The following PHYHIPL variants were observed in gnomAD, a reference collection of about 807,000 sequenced individuals.
PHYHIPL encodes the protein phytanoyl-CoA hydroxylase-interacting protein-like.
Under a neutral mutation model 33.4 loss-of-function variants are expected in PHYHIPL, and 9 were observed. The ratio of observed to expected loss-of-function variants is 0.27; its 90% CI spans 0.16 to 0.47. The LOEUF is 0.47. Among genes scored for constraint, PHYHIPL ranks in the 20% least tolerant of loss-of-function variants. The pLI, the probability that PHYHIPL is intolerant of heterozygous loss-of-function variation, is 0.99. For missense variants in PHYHIPL, 365 were observed against 460.7 expected (o/e 0.79, Z 1.90); for synonymous variants, 153 against 154.1 (o/e 0.99, Z 0.05).
chr10:59,241,819 A>T (rs1015795357), intron 4 of PHYHIPL, among the ~76,000 whole-genome samples: 1 of 152,112 alleles, frequency 6.6e-6, no homozygotes, highest in Non-Finnish European at 1.5e-5. Context: ...GTCATTATTG[A>T]GCACTTCAAT....
chr10:59,177,998 A>G (rs1838301165), intron 1 of PHYHIPL, among the ~76,000 whole-genome samples: 2 of 152,192 alleles, frequency 1.3e-5, no homozygotes. Context: ...TCTTTAACCA[A>G]AGTTATGTAC....
At chr10:59,213,906 A>C (rs1839535949) in intron 1 of PHYHIPL, among the ~76,000 whole-genome samples, 1 of 152,156 alleles carries the variant, frequency 6.6e-6, no homozygotes, top group Non-Finnish European at 1.5e-5. Context: ...TATGGGTACG[A>C]CCACTAGTGG....
chr10:59,228,350 G>A (rs189554556), intron 1 of PHYHIPL, among the ~76,000 whole-genome samples: 366 of 152,164 alleles, frequency 2.4e-3, no homozygotes, highest in Non-Finnish European at 4.2e-3. Context: ...TTTCCTAAAA[G>A]TTCCAACAAT....
At chr10:59,183,685 C>A (rs1838477896) in intron 1 of PHYHIPL, 1 of 984,580 alleles carries the variant, frequency 1.0e-6, no homozygotes, top group Non-Finnish European at 1.2e-6. Flanking sequence ...GTGAGTTGAA[C>A]CAAGAACGTC....
upstream of PHYHIPL, among the ~76,000 whole-genome samples, chr10:59,175,719 G>A (rs532896000): frequency 7.9e-5 from 12 of 152,342 alleles, no homozygotes; most frequent in African/African-American, 2.9e-4. Flanking sequence ...AAGTTATAGA[G>A]TAGCTTGAGG....
At chr10:59,224,500 A>AAAACAAAAG (rs879272977) in intron 1 of PHYHIPL, among the ~76,000 whole-genome samples, 1 of 120,764 alleles carries the variant, frequency 8.3e-6, no homozygotes, top group Non-Finnish European at 1.8e-5. Flanking sequence ...CAAAACAAAA[A>AAAACAAAAG]ACAAAACAAA....
At chr10:59,184,697 T>G (rs1056612442) in intron 1 of PHYHIPL, among the ~76,000 whole-genome samples, 11 of 151,946 alleles carry the variant, frequency 7.2e-5, no homozygotes, top group Admixed American at 3.9e-4. Flanking sequence ...GTGCACAACG[T>G]GCAGGTTTGT....
Position 59,190,999 on chromosome 10 carries a change from C to G in PHYHIPL, c.106+14040C>G, listed in dbSNP as rs527622191. Among the ~76,000 whole-genome samples, 20 of 151,980 alleles carry G rather than the reference C, an allele frequency of 1.3e-4. No homozygotes were observed. The South Asian group carries it at 3.1e-3, about 24-fold the overall frequency. ...ACTACTTGATGAAATCTGGCAACAA[C>G]TTTTACAGGAGCTACCATTCCTGTG... On this transcript the variant is annotated intron_variant, in intron 1 of 4. Coordinates refer to ENST00000373880, the MANE Select transcript of PHYHIPL (RefSeq NM_032439.4).
rs544923072 is a variant in PHYHIPL at position 59,247,354 on chromosome 10, T to C, written c.*1763T>C. 4.0e-4 allele frequency: 170 copies of C among 425,764 alleles called. 1 individual carries two copies. The South Asian group carries it at 4.9e-3, about 12-fold the overall frequency. The allele number at this position is 425,764 out of a possible 1,614,324, so 26.4% of individuals were successfully genotyped here. Reference sequence around the variant, plus strand: ...TATTAGACATTTTTAAAAATACTTGTATTGACTATGAGTTTTCTGCTTGGC... The same window carrying C: ...TATTAGACATTTTTAAAAATACTTGCATTGACTATGAGTTTTCTGCTTGGC... On this transcript the variant is annotated 3_prime_UTR_variant, in exon 5 of 5. Transcript: ENST00000373880.
intron 1 of PHYHIPL, among the ~76,000 whole-genome samples, chr10:59,210,121 C>G (rs189817507): frequency 0.013 from 1,920 of 152,168 alleles, 42 homozygotes; most frequent in African/African-American, 0.044. Context: ...GCAAAAGAAA[C>G]TATCATCAGA....
At chr10:59,191,266 C>G (rs950274812) in intron 1 of PHYHIPL, among the ~76,000 whole-genome samples, 3 of 151,890 alleles carry the variant, frequency 2.0e-5, no homozygotes, top group East Asian at 1.9e-4. Context: ...TTTGAATTAA[C>G]TAGGTATATG....
In PHYHIPL at chr10:59,239,033, C is replaced by A. The variant is rs549493197; in HGVS notation, c.596+328C>A. On this transcript the variant is annotated intron_variant, in intron 4 of 4. Transcript: ENST00000373880. ...GCATCATACTGACTACTAATTTTTT[C>A]CTCTTTTCATGGGTCTTTTTAAGAC... Among the ~76,000 whole-genome samples the A allele has an allele frequency of 2.6e-5, 4 of 151,946 alleles. No homozygotes were observed. In the East Asian group the frequency reaches 7.7e-4, roughly 29 times the overall value.
upstream of PHYHIPL, among the ~76,000 whole-genome samples, chr10:59,173,941 T>TG (rs1564696390): frequency 9.4e-5 from 10 of 106,496 alleles, no homozygotes; most frequent in Non-Finnish European, 1.3e-4. Context: ...TTTTTTTTTT[T>TG]TTTTTTTTTT....
At position 59,246,817 on chromosome 10, in the gene PHYHIPL, T is replaced by A. The variant is rs74151014; in HGVS notation, c.*1226T>A. On this transcript the variant is annotated 3_prime_UTR_variant, in exon 5 of 5. Transcript: ENST00000373880. ...ATCATCTTATAGTAAACCAAAAGATTAGCAATAATACTATGGACACATTAG... is the reference window on the plus strand; with the variant it reads ...ATCATCTTATAGTAAACCAAAAGATAAGCAATAATACTATGGACACATTAG... The A allele has an allele frequency of 1.8e-3, 687 of 388,730 alleles. 7 individuals are homozygous for A. Among genetic ancestry groups the A allele is most frequent in the African/African-American group, 0.013 (616 of 48,546 alleles). The allele number at this position is 388,730 out of a possible 1,614,324, so 24.1% of individuals were successfully genotyped here. A position where few individuals can be genotyped will look rare whatever the true frequency, so the allele number is the denominator to read the frequency against.
chr10:59,199,818 A>G (rs962166515), intron 1 of PHYHIPL, among the ~76,000 whole-genome samples: 2 of 152,132 alleles, frequency 1.3e-5, no homozygotes, highest in African/African-American at 4.8e-5. Flanking sequence ...CTTTGAAGCA[A>G]TTGTGAATGG....
chr10:59,217,822 A>C (rs150303317), intron 1 of PHYHIPL, among the ~76,000 whole-genome samples: 1 of 152,144 alleles, frequency 6.6e-6, no homozygotes, highest in African/African-American at 2.4e-5. Flanking sequence ...TCTCAATCTT[A>C]CCTTCTTTTT....
intron 1 of PHYHIPL, among the ~76,000 whole-genome samples, chr10:59,193,257 T>A (rs1285751177): frequency 1.3e-5 from 2 of 152,140 alleles, no homozygotes; most frequent in African/African-American, 4.8e-5. Context: ...GAAATACAAT[T>A]AACCTAAGCT....
chr10:59,173,921 GTTTT>G (rs368316005), upstream of PHYHIPL, among the ~76,000 whole-genome samples: 25 of 57,546 alleles, frequency 4.3e-4, no homozygotes, highest in African/African-American at 1.4e-3. Context: ...TACTTCTGAG[GTTTT>G]TTTTTTTTTT....
intron 1 of PHYHIPL, among the ~76,000 whole-genome samples, chr10:59,207,292 G>A (rs551583165): frequency 9.2e-4 from 140 of 152,266 alleles, no homozygotes; most frequent in Non-Finnish European, 1.5e-3. Context: ...CCAAAGCAGG[G>A]TGGGGCGTTG....
Sources: gnomAD v4.1 joint callset for allele counts (sites outside exome capture counted in the v4.1 genomes callset) on GRCh38, gnomAD v4.1.1 for gene constraint, MANE v1.5 for transcripts, NCBI Gene and HGNC (gene_info 2026-07-23, HGNC 2026-07-21) for gene names.